TPCN2: variants seen among roughly 807,000 people sequenced by gnomAD.
The protein encoded by TPCN2 is two pore segment channel 2.
A neutral mutation model predicts 111.4 loss-of-function variants in TPCN2; 92 were observed. The observed-to-expected ratio is 0.83, with a 90% CI of 0.70 to 0.98. The LOEUF (loss-of-function observed/expected upper bound fraction) is 0.98. TPCN2 is among the 50% of genes least tolerant of loss of function. The pLI, the probability that TPCN2 is intolerant of heterozygous loss-of-function variation, is 0.00. For missense variants in TPCN2, 995 were observed against 980.1 expected (o/e 1.02, Z -0.20); for synonymous variants, 405 against 414.5 (o/e 0.98, Z 0.28).
chr11:69,049,072 G>A lies in TPCN2; in HGVS notation c.75G>A (p.Gly25=). The change falls in exon 1 of 25, where the codon GGG becomes GGA. Residue 25 remains glycine (G), a synonymous_variant. Transcript: ENST00000294309. ...ARGGGGDWPA[G]LTTYRSIQVG... The stretch of plus-strand genomic sequence containing the variant: ...GCGGTGGCGGCGACTGGCCGGCGGG[G>A]CTGACCACTTACCGCAGCATCCAAG... 1 of 1,242,568 alleles carries A rather than the reference G, an allele frequency of 8.0e-7. No individual in the cohort carries two copies. The highest frequency in any genetic ancestry group is 1.0e-6 in the Non-Finnish European group (1 of 988,336). The allele number at this position is 1,242,568 out of a possible 1,614,324, so 77.0% of individuals were successfully genotyped here. A position where few individuals can be genotyped will look rare whatever the true frequency, so the allele number is the denominator to read the frequency against.
At chr11:69,062,535 A>T (rs1031123020) in intron 5 of TPCN2, among the ~76,000 whole-genome samples, 1 of 151,494 alleles carries the variant, frequency 6.6e-6, no homozygotes, top group Admixed American at 6.7e-5. Context: ...GCAGGAGGGT[A>T]CCAAGGGAGG....
intron 7 of TPCN2, among the ~76,000 whole-genome samples, chr11:69,067,039 A>G (rs73516522): frequency 0.021 from 3,144 of 152,218 alleles, 120 homozygotes; most frequent in African/African-American, 0.071. Flanking sequence ...GTGGGTGGCT[A>G]TGGGCGGCCG....
chr11:69,087,846 C>T (rs116313968), intron 24 of TPCN2, 29 bp from the exon 25 acceptor site: 14 of 1,596,634 alleles, frequency 8.8e-6, no homozygotes, highest in Non-Finnish European at 1.2e-5. Flanking sequence ...TTTAGAGGCC[C>T]CTGTGTGCAT....
chr11:69,086,013 G>A (rs1456302066), intron 22 of TPCN2, 83 bp downstream of exon 22: 2 of 1,370,430 alleles, frequency 1.5e-6, no homozygotes, highest in African/African-American at 1.4e-5. Flanking sequence ...CATCTGCACT[G>A]GACGCCCGGA....
intron 4 of TPCN2, among the ~76,000 whole-genome samples, 189 bp from the exon 5 acceptor site, chr11:69,057,389 C>T (rs1427475742): frequency 3.9e-5 from 6 of 152,244 alleles, no homozygotes; most frequent in Non-Finnish European, 7.3e-5. Context: ...GACTGCACAG[C>T]GAGTCCCTAG....
intron 13 of TPCN2, among the ~76,000 whole-genome samples, chr11:69,077,334 G>A (rs59980913): frequency 8.5e-4 from 12 of 14,058 alleles, no homozygotes; most frequent in East Asian, 2.2e-3. Context: ...CCCTCCTGCT[G>A]TGTCCCTTCA....
chr11:69,087,266 G>A, intron 24 of TPCN2, 60 bp downstream of exon 24: 3 of 1,501,916 alleles, frequency 2.0e-6, no homozygotes, highest in South Asian at 2.3e-5. Context: ...CAAGAGCTGG[G>A]GGGTGGAGGG....
intron 18 of TPCN2, among the ~76,000 whole-genome samples, chr11:69,082,734 C>T (rs12420293): frequency 0.28 from 12,283 of 43,772 alleles, 3,821 homozygotes; most frequent in Non-Finnish European, 0.39. Context: ...CATGTGAACT[C>T]GTGCCCGTGT....
intron 9 of TPCN2, among the ~76,000 whole-genome samples, chr11:69,071,103 G>T (rs1855513446): frequency 1.7e-5 from 1 of 58,166 alleles, no homozygotes; most frequent in Non-Finnish European, 4.5e-5. Flanking sequence ...TCACCCCAGG[G>T]ATCCCCCACC....
In TPCN2 at chr11:69,078,548, TA is replaced by T. The variant is rs772797716; in HGVS notation, c.1298del (p.Tyr433SerfsTer111). 68 of 1,614,004 alleles carry T rather than the reference TA, an allele frequency of 4.2e-5. No homozygotes were observed. Among genetic ancestry groups the T allele is most frequent in the Non-Finnish European group, 5.7e-5 (67 of 1,180,032 alleles). The part of the protein sequence containing the change: ...QSAQFLFGHY[Y>X]FDYLGNLIAL... ...CGCCCAGTTCCTCTTCGGCCACTACTACTTTGACTACCTGGGGAACCTCATC... is the reference window on the plus strand; with the variant it reads ...CGCCCAGTTCCTCTTCGGCCACTACTCTTTGACTACCTGGGGAACCTCATC... On this transcript the variant is annotated frameshift_variant, in exon 14 of 25. Coordinates refer to ENST00000294309, the MANE Select transcript of TPCN2 (RefSeq NM_139075.4). LOFTEE classifies it high-confidence loss of function.
intron 5 of TPCN2, among the ~76,000 whole-genome samples, chr11:69,058,053 C>G (rs1316898773): frequency 1.3e-5 from 2 of 152,228 alleles, no homozygotes; most frequent in African/African-American, 2.4e-5. Flanking sequence ...CACCATGCCC[C>G]GTAGTCACAA....
At chr11:69,061,001 G>T (rs557077637) in intron 5 of TPCN2, among the ~76,000 whole-genome samples, 2 of 152,330 alleles carry the variant, frequency 1.3e-5, no homozygotes, top group South Asian at 4.1e-4. Flanking sequence ...TGGAGTGAGC[G>T]CTGGGGATCA....
chr11:69,059,857 T>C (rs1491000246), intron 5 of TPCN2, among the ~76,000 whole-genome samples: 1 of 152,238 alleles, frequency 6.6e-6, no homozygotes, highest in African/African-American at 2.4e-5. Context: ...GGCTGGTACC[T>C]GGCCCTGCCT....
At position 69,048,947 on chromosome 11, in the gene TPCN2, G is replaced by A. The variant is rs1014640087; in HGVS notation, c.-51G>A. 9.5e-6 allele frequency: 11 copies of A among 1,162,012 alleles called. No homozygotes were observed. Among genetic ancestry groups the A allele is most frequent in the Non-Finnish European group, 1.1e-5 (10 of 921,622 alleles). The allele number at this position is 1,162,012 out of a possible 1,614,324, so 72.0% of individuals were successfully genotyped here. A position where few individuals can be genotyped will look rare whatever the true frequency, so the allele number is the denominator to read the frequency against. On this transcript the variant is annotated 5_prime_UTR_variant, in exon 1 of 25. Transcript: ENST00000294309. Reference sequence around the variant, plus strand: ...CCGCGCCTGCGCAGTGAAGCTGGGCGCCTTCGGGGCTTGAGCTTCTGAGGG... The same window carrying A: ...CCGCGCCTGCGCAGTGAAGCTGGGCACCTTCGGGGCTTGAGCTTCTGAGGG...
intron 13 of TPCN2, 53 bp downstream of exon 13, chr11:69,073,054 C>G: frequency 7.4e-7 from 1 of 1,354,526 alleles, no homozygotes; most frequent in East Asian, 2.3e-5. Context: ...TCCAGTTTCC[C>G]CTGCCCTTGA....
rs267603153 is a variant in TPCN2, at chr11:69,087,152, C to A, written c.2126C>A (p.Pro709His). The change falls in exon 24 of 25, where the codon CCC becomes CAC. Residue 709 changes from proline to histidine, a missense_variant. By Grantham distance (77) the Pro-to-His change is moderately conservative. Coordinates refer to ENST00000294309, the MANE Select transcript of TPCN2 (RefSeq NM_139075.4). The part of the protein sequence containing the change: ...HKWDPRSHLQ[P>H]LAGTPEATYQ... ...TGGGACCCCCGCAGCCACCTGCAGC[C>A]CCTTGCTGGGACCCCAGAGGCCACC... is the stretch of plus-strand genomic sequence containing the variant. 1 of 1,613,932 alleles carries A rather than the reference C, an allele frequency of 6.2e-7. No individual in the cohort carries two copies. Among genetic ancestry groups the A allele is most frequent in the Admixed American group, 1.7e-5 (1 of 60,012 alleles).
rs552881670 is a variant in TPCN2 at position 69,087,032 on chromosome 11, G to A, written c.2086-80G>A. 1.3e-4 allele frequency: 160 copies of A among 1,275,122 alleles called. No individual in the cohort carries two copies. The African/African-American group carries it at 2.1e-3, about 17-fold the overall frequency. The allele number at this position is 1,275,122 out of a possible 1,614,324, so 79.0% of individuals were successfully genotyped here. On this transcript the variant is annotated intron_variant, in intron 23 of 24. Transcript: ENST00000294309. Reference sequence around the variant, plus strand: ...CCCCCTCAGCGGGTGCCCTGTGGCTGACCCTGGAGGGGCCGGGGATGGGGC... The same window carrying A: ...CCCCCTCAGCGGGTGCCCTGTGGCTAACCCTGGAGGGGCCGGGGATGGGGC...
At chr11:69,061,200 C>G (rs555155683) in intron 5 of TPCN2, among the ~76,000 whole-genome samples, 25 of 152,260 alleles carry the variant, frequency 1.6e-4, no homozygotes, top group Middle Eastern at 3.4e-3. Context: ...GAGAGGAGCC[C>G]GGCAGCCCTG....
At chr11:69,054,003 G>A (rs373824982) in intron 1 of TPCN2, 30 bp from the exon 2 acceptor site, 58 of 1,601,584 alleles carry the variant, frequency 3.6e-5, no homozygotes, top group Admixed American at 6.7e-5. Flanking sequence ...CATCCTGCTC[G>A]GTCACCTGAT....
Sources: allele counts gnomAD v4.1 joint callset (sites outside exome capture counted in the v4.1 genomes callset), GRCh38; gene constraint gnomAD v4.1.1; transcripts MANE v1.5; gene names NCBI Gene and HGNC (gene_info 2026-07-23, HGNC 2026-07-21).